TET1: variants seen among roughly 807,000 people sequenced by gnomAD.
TET1 encodes the protein tet methylcytosine dioxygenase 1.
A neutral mutation model predicts 148.7 loss-of-function variants in TET1; 13 were observed. That is an observed-to-expected ratio of 0.09 (90% CI 0.06 to 0.14). TET1 has a LOEUF of 0.14. TET1 is among the 10% of genes least tolerant of loss of function. The pLI, the probability that TET1 is intolerant of heterozygous loss-of-function variation, is 1.00. For missense variants in TET1, 2,182 were observed against 2,553.8 expected, an observed-to-expected ratio of 0.85 and a Z score of 3.14; for synonymous variants, 907 against 937.2, an observed-to-expected ratio of 0.97 and a Z score of 0.59.
chr10:68,591,873 C>T (rs544665741), intron 2 of TET1, among the ~76,000 whole-genome samples: 23 of 152,072 alleles, frequency 1.5e-4, no homozygotes, highest in African/African-American at 4.8e-4. Flanking sequence ...CCACTGCACT[C>T]CAGCCTGGGT....
intron 3 of TET1, among the ~76,000 whole-genome samples, chr10:68,619,477 A>G (rs1271710313): frequency 6.6e-6 from 1 of 152,176 alleles, no homozygotes; most frequent in African/African-American, 2.4e-5. Context: ...AGCCTCCCAA[A>G]GTGCTGGGGT....
intron 3 of TET1, among the ~76,000 whole-genome samples, chr10:68,617,807 A>G (rs533181333): frequency 2.0e-5 from 3 of 152,116 alleles, no homozygotes; most frequent in East Asian, 1.9e-4. Context: ...CGACCTCCCA[A>G]TGTGCTGGGA....
intron 6 of TET1, among the ~76,000 whole-genome samples, chr10:68,660,231 TA>T (rs1189111150): frequency 1.3e-5 from 2 of 152,166 alleles, no homozygotes; most frequent in Non-Finnish European, 2.9e-5. Flanking sequence ...TTTTTTGCTT[TA>T]AAAAAATAAT....
intron 6 of TET1, among the ~76,000 whole-genome samples, chr10:68,662,876 A>G (rs12761725): frequency 0.18 from 27,676 of 152,188 alleles, 3,134 homozygotes; most frequent in African/African-American, 0.31. Flanking sequence ...AGCCATGATC[A>G]AACCACTGCA....
intron 4 of TET1, among the ~76,000 whole-genome samples, chr10:68,647,841 C>CT (rs1344709612): frequency 2.6e-5 from 4 of 152,124 alleles, no homozygotes; most frequent in Non-Finnish European, 5.9e-5. Context: ...GTGTCTAGTG[C>CT]TTTTACGCTC....
intron 6 of TET1, among the ~76,000 whole-genome samples, chr10:68,663,102 C>T (rs932208684): frequency 2.0e-5 from 3 of 152,168 alleles, no homozygotes; most frequent in Admixed American, 1.3e-4. Flanking sequence ...TTCACCACTG[C>T]CCAATATATC....
chr10:68,586,507 T>C (rs946164784), intron 2 of TET1, among the ~76,000 whole-genome samples: 1 of 147,250 alleles, frequency 6.8e-6, no homozygotes, highest in Non-Finnish European at 1.5e-5. Context: ...TTTTTAATTT[T>C]TATTTTTTGT....
At chr10:68,605,174 C>T (rs1037861681) in intron 3 of TET1, among the ~76,000 whole-genome samples, 1 of 152,132 alleles carries the variant, frequency 6.6e-6, no homozygotes, top group Admixed American at 6.6e-5. Context: ...CTTGATGATG[C>T]TGATAAAGAA....
chr10:68,641,078 G>C (rs1172136292), intron 3 of TET1, among the ~76,000 whole-genome samples: 1 of 150,832 alleles, frequency 6.6e-6, no homozygotes, highest in Non-Finnish European at 1.5e-5. Flanking sequence ...ACTGTGACAG[G>C]TTGTATGGCA....
At chr10:68,660,879 G>A (rs565916835) in intron 6 of TET1, among the ~76,000 whole-genome samples, 1 of 151,474 alleles carries the variant, frequency 6.6e-6, no homozygotes, top group Admixed American at 6.6e-5. Flanking sequence ...GGCCATGCTG[G>A]TCTCGAATTC....
At chr10:68,596,027 C>CACATATATAT (rs71470531) in intron 2 of TET1, among the ~76,000 whole-genome samples, 397 of 61,632 alleles carry the variant, frequency 6.4e-3, no homozygotes, top group Middle Eastern at 0.011. Context: ...CACACACACA[C>CACATATATAT]ATATATATAT....
intron 11 of TET1, 39 bp downstream of exon 11, chr10:68,686,746 G>C: frequency 6.5e-7 from 1 of 1,539,170 alleles, no homozygotes; most frequent in Non-Finnish European, 8.8e-7. Context: ...GCACAACTTT[G>C]ATGGATAGAT....
In TET1 at chr10:68,648,501, C is replaced by G. The variant is rs1033272255; in HGVS notation, c.4276+1496C>G. Among the ~76,000 whole-genome samples, 3 of 152,148 alleles carry G rather than the reference C, an allele frequency of 2.0e-5. No homozygotes were observed. In the East Asian group the frequency reaches 5.8e-4, roughly 29 times the overall value. On this transcript the variant is annotated intron_variant, in intron 4 of 11. Transcript: ENST00000373644. Reference sequence around the variant, plus strand: ...AATTTTGTGAAAAATCTGTTTTGAACCTCATCCAAATAGGTTTAGTTATTG... The same window carrying G: ...AATTTTGTGAAAAATCTGTTTTGAAGCTCATCCAAATAGGTTTAGTTATTG...
chr10:68,647,420 A>G (rs904206082), intron 4 of TET1, among the ~76,000 whole-genome samples: 4 of 152,148 alleles, frequency 2.6e-5, no homozygotes, highest in Non-Finnish European at 4.4e-5. Context: ...CCTGGCCAAC[A>G]TGGTGAAACC....
At chr10:68,566,339 T>C (rs1392341779) in intron 1 of TET1, among the ~76,000 whole-genome samples, 2 of 152,200 alleles carry the variant, frequency 1.3e-5, no homozygotes, top group Admixed American at 1.3e-4. Context: ...GTAATGAAAA[T>C]GCATCCTGAT....
chr10:68,593,142 G>T (rs1288390572), intron 2 of TET1, among the ~76,000 whole-genome samples: 1 of 146,418 alleles, frequency 6.8e-6, no homozygotes, highest in Non-Finnish European at 1.5e-5. Flanking sequence ...TGAGGCAGGA[G>T]AATCGCTTGA....
In TET1 at chr10:68,580,800, AAAAAAAT is replaced by A. The variant is rs1441373064; in HGVS notation, c.1914+6550_1914+6556del. Among the ~76,000 whole-genome samples, 641 of 116,702 alleles carry A rather than the reference AAAAAAAT, an allele frequency of 5.5e-3. 2 individuals are homozygous for A. Among genetic ancestry groups the A allele is most frequent in the Non-Finnish European group, 8.7e-3 (467 of 53,728 alleles). The allele number at this position is 116,702 out of a possible 152,430, so 76.6% of individuals were successfully genotyped here. On this transcript the variant is annotated intron_variant, in intron 2 of 11. Coordinates refer to ENST00000373644, the MANE Select transcript of TET1 (RefSeq NM_030625.3). ...TCCATCTCAAAAAAAAAAAAAAAAA[AAAAAAAT>A]ATATATATATATATATGGCGTGATG...
At chr10:68,579,070 C>G (rs573930630) in intron 2 of TET1, among the ~76,000 whole-genome samples, 1 of 152,214 alleles carries the variant, frequency 6.6e-6, no homozygotes, top group East Asian at 1.9e-4. Flanking sequence ...TCAATCAAGT[C>G]ACGTCACACA....
chr10:68,570,981 ATTTAT>A (rs1308666110), intron 1 of TET1, among the ~76,000 whole-genome samples: 1 of 148,524 alleles, frequency 6.7e-6, no homozygotes, highest in African/African-American at 2.5e-5. Flanking sequence ...ATTTTATTTT[ATTTAT>A]TTTATTTTAT....
Sources: gnomAD v4.1 joint callset for allele counts (sites outside exome capture counted in the v4.1 genomes callset) on GRCh38, gnomAD v4.1.1 for gene constraint, MANE v1.5 for transcripts, NCBI Gene and HGNC (gene_info 2026-07-23, HGNC 2026-07-21) for gene names.